RALYL: variants seen among roughly 807,000 people sequenced by gnomAD.
RALYL encodes the protein RALY RNA binding protein like.
RALYL carries 29 observed loss-of-function variants against 35.1 expected under a neutral mutation model. That is an observed-to-expected ratio of 0.83 (90% CI 0.61 to 1.13). The LOEUF is 1.13. RALYL is among the 50% of genes most tolerant of loss of function. The probability of loss-of-function intolerance (pLI) is 0.00; values close to 1 mark genes in which losing one functional copy is unlikely to be tolerated. For missense variants in RALYL, 359 were observed against 360.4 expected, an observed-to-expected ratio of 1.00 and a Z score of 0.03; for synonymous variants, 120 against 127.6, an observed-to-expected ratio of 0.94 and a Z score of 0.40.
intron 1 of RALYL, among the ~76,000 whole-genome samples, chr8:84,493,637 G>A (rs2055607017): frequency 6.6e-6 from 1 of 152,042 alleles, no homozygotes; most frequent in Non-Finnish European, 1.5e-5. Flanking sequence ...TCTCGTTGTG[G>A]TTTTGATTTG....
chr8:84,417,955 T>C (rs151073335), intron 1 of RALYL, among the ~76,000 whole-genome samples: 81 of 152,312 alleles, frequency 5.3e-4, no homozygotes, highest in African/African-American at 1.7e-3. Flanking sequence ...TAAAAGCACC[T>C]ACTTGAAGAC....
chr8:84,269,796 A>C (rs1008036527), intron 1 of RALYL, among the ~76,000 whole-genome samples: 6 of 152,076 alleles, frequency 3.9e-5, no homozygotes, highest in African/African-American at 1.2e-4. Flanking sequence ...AATATTGTGG[A>C]TCATAGGAAA....
At chr8:84,375,980 A>C (rs1856834577) in intron 1 of RALYL, among the ~76,000 whole-genome samples, 1 of 151,908 alleles carries the variant, frequency 6.6e-6, no homozygotes, top group African/African-American at 2.4e-5. Context: ...GAATGAAGCA[A>C]GGTAACATTT....
intron 1 of RALYL, among the ~76,000 whole-genome samples, chr8:84,371,679 T>C (rs1855754026): frequency 6.6e-6 from 1 of 152,044 alleles, no homozygotes; most frequent in African/African-American, 2.4e-5. Context: ...TGTGAAATAC[T>C]GTGCTGTGAT....
chr8:84,717,863 G>A (rs1843197337), intron 2 of RALYL, among the ~76,000 whole-genome samples: 1 of 152,070 alleles, frequency 6.6e-6, no homozygotes, highest in Non-Finnish European at 1.5e-5. Flanking sequence ...ATACCTTGCT[G>A]TAGCCTTTTA....
chr8:84,245,363 A>G (rs1007895102), intron 1 of RALYL, among the ~76,000 whole-genome samples: 2 of 152,194 alleles, frequency 1.3e-5, no homozygotes, highest in Non-Finnish European at 2.9e-5. Flanking sequence ...AATAATTGGC[A>G]GCTTCTGAAG....
At chr8:84,527,113 T>G (rs2058959962) in intron 1 of RALYL, among the ~76,000 whole-genome samples, 1 of 152,224 alleles carries the variant, frequency 6.6e-6, no homozygotes, top group African/African-American at 2.4e-5. Context: ...AAACTTACTC[T>G]TATAAACACT....
intron 1 of RALYL, among the ~76,000 whole-genome samples, chr8:84,186,176 A>G (rs373205432): frequency 1.6e-4 from 24 of 152,300 alleles, no homozygotes; most frequent in East Asian, 3.9e-4. Context: ...CTGTCTGTGG[A>G]CACCATATTT....
intron 1 of RALYL, among the ~76,000 whole-genome samples, chr8:84,395,319 C>A (rs1289436286): frequency 1.1e-4 from 16 of 151,658 alleles, no homozygotes; most frequent in Non-Finnish European, 1.6e-4. Flanking sequence ...TATTCCATTT[C>A]TAATAAAAAA....
chr8:84,893,238 G>A (rs1322537749), intron 8 of RALYL, among the ~76,000 whole-genome samples: 2 of 152,116 alleles, frequency 1.3e-5, no homozygotes, highest in Non-Finnish European at 2.9e-5. Context: ...ATCCTTCATT[G>A]TCCCCAGATC....
chr8:84,328,223 G>A (rs1846176251), intron 1 of RALYL, among the ~76,000 whole-genome samples: 1 of 152,134 alleles, frequency 6.6e-6, no homozygotes, highest in Admixed American at 6.6e-5. Context: ...AGAACATCTG[G>A]GTTAGCTCAC....
At chr8:84,425,320 C>A (rs907767029) in intron 1 of RALYL, among the ~76,000 whole-genome samples, 6 of 152,042 alleles carry the variant, frequency 3.9e-5, no homozygotes, top group African/African-American at 9.7e-5. Flanking sequence ...TTTCCAGGTG[C>A]GTCCGTCACC....
At chr8:84,737,582 G>T (rs1847543174) in intron 2 of RALYL, among the ~76,000 whole-genome samples, 1 of 151,900 alleles carries the variant, frequency 6.6e-6, no homozygotes, top group South Asian at 2.1e-4. Context: ...TTTAAATCTA[G>T]TTTATCAAAA....
intron 1 of RALYL, among the ~76,000 whole-genome samples, chr8:84,372,871 A>G (rs1203924934): frequency 4.0e-5 from 4 of 100,368 alleles, no homozygotes; most frequent in African/African-American, 1.8e-4. Flanking sequence ...TTTCTCCACA[A>G]CCATGCCAGC....
At chr8:84,544,784 T>C (rs946477841) in intron 2 of RALYL, among the ~76,000 whole-genome samples, 83 of 152,200 alleles carry the variant, frequency 5.5e-4, no homozygotes, top group African/African-American at 2.0e-3. Context: ...CAGCATCTGT[T>C]TTCCATATAT....
intron 6 of RALYL, among the ~76,000 whole-genome samples, chr8:84,871,256 T>G (rs1351344907): frequency 6.6e-6 from 1 of 152,168 alleles, no homozygotes; most frequent in Non-Finnish European, 1.5e-5. Flanking sequence ...TCCAGCCAGA[T>G]GAGTCTATAT....
intron 1 of RALYL, among the ~76,000 whole-genome samples, chr8:84,459,851 C>A (rs1007037344): frequency 5.9e-5 from 9 of 151,844 alleles, no homozygotes; most frequent in Middle Eastern, 3.4e-3. Flanking sequence ...GTGTGTTGAA[C>A]TTCCTCTTCA....
chr8:84,667,128 G>A (rs545638997), intron 2 of RALYL, among the ~76,000 whole-genome samples: 8 of 152,080 alleles, frequency 5.3e-5, no homozygotes, highest in Admixed American at 1.3e-4. Context: ...AAGAAAACAG[G>A]TAATTTGACC....
At chr8:84,917,272 T>C (rs899341330) in intron 8 of RALYL, among the ~76,000 whole-genome samples, 4 of 151,718 alleles carry the variant, frequency 2.6e-5, no homozygotes, top group African/African-American at 9.7e-5. Flanking sequence ...AGCAGAACAA[T>C]GGGTTTGAGT....
Sources: allele counts gnomAD v4.1 joint callset (sites outside exome capture counted in the v4.1 genomes callset), GRCh38; gene constraint gnomAD v4.1.1; transcripts MANE v1.5; gene names NCBI Gene and HGNC (gene_info 2026-07-23, HGNC 2026-07-21).